The following DCDC1 variants were observed in gnomAD, a reference collection of about 807,000 sequenced individuals.
DCDC1 encodes the protein doublecortin domain-containing protein 1.
DCDC1 carries 200 observed loss-of-function variants against 178.3 expected under a neutral mutation model. The ratio of observed to expected loss-of-function variants is 1.12; its 90% confidence interval spans 1.00 to 1.26. The LOEUF is 1.26. Among genes scored for constraint, DCDC1 ranks in the 50% most tolerant of loss-of-function variants. The pLI is 0.00. For missense variants in DCDC1, 1,983 were observed against 1,749.2 expected, an observed-to-expected ratio of 1.13 and a Z score of -2.38; for synonymous variants, 690 against 604.8, an observed-to-expected ratio of 1.14 and a Z score of -2.07.
At chr11:31,215,822 C>T (rs907848764) in intron 9 of DCDC1, among the ~76,000 whole-genome samples, 18 of 151,908 alleles carry the variant, frequency 1.2e-4, no homozygotes, top group Admixed American at 3.3e-4. Flanking sequence ...CAGCAGGAAT[C>T]CTTTTAAATT....
rs1339737679 is a variant in DCDC1, at chr11:31,239,402, G to C, written c.1221+2048C>G. The stretch of plus-strand genomic sequence containing the variant: ...GGTCTGTTAAGGGTATGACTACAGG[G>C]ACTTCTCTAAACATTCAAATAATTT... On this transcript the variant is annotated intron_variant, in intron 9 of 38. Coordinates refer to ENST00000684477, the MANE Select transcript of DCDC1 (RefSeq NM_001387274.1). Among the ~76,000 whole-genome samples the C allele has an allele frequency of 2.0e-5, 3 of 151,902 alleles. No individual in the cohort carries two copies. In the East Asian group the frequency reaches 5.8e-4, roughly 29 times the overall value.
chr11:31,172,898 G>A (rs974251072), intron 9 of DCDC1, among the ~76,000 whole-genome samples: 3 of 152,042 alleles, frequency 2.0e-5, no homozygotes, highest in Non-Finnish European at 4.4e-5. Context: ...TTCAAGGATC[G>A]ACTGTAGTTA....
rs190494268 is a variant in DCDC1 at position 31,306,919 on chromosome 11, G to A, written c.435-531C>T. Reference sequence around the variant, plus strand: ...GTATTGCTCTCATTTCAAACTGTTCGGAAGTGGTAACGGTGAAGATTTCTA... The same window carrying A: ...GTATTGCTCTCATTTCAAACTGTTCAGAAGTGGTAACGGTGAAGATTTCTA... On this transcript the variant is annotated intron_variant, in intron 4 of 38. Transcript: ENST00000684477. Among the ~76,000 whole-genome samples, 333 of 152,018 alleles carry A rather than the reference G, an allele frequency of 2.2e-3. 4 individuals are homozygous for A. The highest frequency in any genetic ancestry group is 6.6e-3 in the East Asian group (34 of 5,174).
chr11:31,181,240 A>G (rs1267763584), intron 9 of DCDC1, among the ~76,000 whole-genome samples: 2 of 152,146 alleles, frequency 1.3e-5, no homozygotes, highest in African/African-American at 4.8e-5. Flanking sequence ...TAAAACTCCC[A>G]TTTCCATGGG....
At chr11:30,924,521 C>T (rs1212105087) in intron 23 of DCDC1, among the ~76,000 whole-genome samples, 1 of 152,016 alleles carries the variant, frequency 6.6e-6, no homozygotes, top group East Asian at 1.9e-4. Flanking sequence ...GAAGGCTGGG[C>T]TGCTAAAGTC....
chr11:31,194,784 A>T (rs1239249445), intron 9 of DCDC1, among the ~76,000 whole-genome samples: 3 of 152,108 alleles, frequency 2.0e-5, no homozygotes, highest in Non-Finnish European at 4.4e-5. Flanking sequence ...TTCTTAGAAC[A>T]AATCCCCAAA....
intron 27 of DCDC1, among the ~76,000 whole-genome samples, chr11:30,913,913 A>G (rs903579409): frequency 2.6e-5 from 4 of 152,208 alleles, no homozygotes; most frequent in Admixed American, 2.6e-4. Flanking sequence ...CTCAAATTGC[A>G]ATTTAGGTTT....
chr11:31,137,882 T>C lies in DCDC1; in HGVS notation c.1222-98A>G, dbSNP rs1591179478. The C allele has an allele frequency of 1.0e-5, 6 of 588,950 alleles. No homozygotes were observed. In the East Asian group the frequency reaches 1.2e-4, roughly 12 times the overall value. 36.5% of individuals were successfully genotyped at this position (588,950 alleles called of 1,614,324 possible). A position where few individuals can be genotyped will look rare whatever the true frequency, so the allele number is the denominator to read the frequency against. On this transcript the variant is annotated intron_variant, in intron 9 of 38. Transcript: ENST00000684477. ...TAGTTAAGCATAATCATGAATGTGA[T>C]TTGATATTAATTTTGATGATACGTA... is the stretch of plus-strand genomic sequence containing the variant.
chr11:31,191,401 T>C (rs1195636948), intron 9 of DCDC1, among the ~76,000 whole-genome samples: 1 of 152,106 alleles, frequency 6.6e-6, no homozygotes, highest in African/African-American at 2.4e-5. Context: ...GCATGATTTA[T>C]GATTTAGCTT....
chr11:31,337,431 G>A (rs1230807706), intron 1 of DCDC1, among the ~76,000 whole-genome samples: 4 of 152,238 alleles, frequency 2.6e-5, no homozygotes, highest in Admixed American at 6.5e-5. Context: ...CACTGTGGGA[G>A]GCTGAAGAGG....
chr11:31,023,272 T>G (rs899288851), intron 20 of DCDC1, among the ~76,000 whole-genome samples: 1 of 152,088 alleles, frequency 6.6e-6, no homozygotes, highest in South Asian at 2.1e-4. Flanking sequence ...TATCCATGTG[T>G]ATGCATATAT....
At chr11:31,180,397 T>A (rs938050393) in intron 9 of DCDC1, among the ~76,000 whole-genome samples, 1 of 152,118 alleles carries the variant, frequency 6.6e-6, no homozygotes, top group African/African-American at 2.4e-5. Flanking sequence ...AAACATTAAA[T>A]TGGGGGGCTG....
rs964396816 is a variant in DCDC1, at chr11:31,245,083, A to G, written c.1055-3467T>C. Among the ~76,000 whole-genome samples the G allele has an allele frequency of 1.5e-4, 23 of 151,506 alleles. 1 individual carries two copies. Among genetic ancestry groups the G allele is most frequent in the Admixed American group, 1.4e-3 (21 of 15,132 alleles). ...CTCCCCTCTTTCCCCACCTATTAAT[A>G]TATTCTTGTCCTTCAAGGCTCATAT... On this transcript the variant is annotated intron_variant, in intron 8 of 38. Transcript: ENST00000684477.
chr11:30,989,493 T>C (rs1051545797), intron 20 of DCDC1, among the ~76,000 whole-genome samples: 1 of 152,168 alleles, frequency 6.6e-6, no homozygotes, highest in African/African-American at 2.4e-5. Flanking sequence ...TGAGAATCTG[T>C]AGTCCTCTTT....
chr11:30,919,064 A>G (rs1319055055), intron 25 of DCDC1, among the ~76,000 whole-genome samples: 1 of 152,102 alleles, frequency 6.6e-6, no homozygotes, highest in Non-Finnish European at 1.5e-5. Context: ...TCTGGGAAAA[A>G]TCTTACAGTG....
intron 9 of DCDC1, among the ~76,000 whole-genome samples, chr11:31,213,112 T>G (rs1360131496): frequency 2.3e-5 from 1 of 44,294 alleles, no homozygotes; most frequent in Non-Finnish European, 5.5e-5. Context: ...TCTCTCTCTC[T>G]CTCTCTCTCT....
At chr11:31,076,778 T>G (rs1956890455) in intron 18 of DCDC1, among the ~76,000 whole-genome samples, 1 of 152,126 alleles carries the variant, frequency 6.6e-6, no homozygotes, top group African/African-American at 2.4e-5. Flanking sequence ...TACTTTCCAG[T>G]GTCATTCTTT....
intron 20 of DCDC1, among the ~76,000 whole-genome samples, chr11:30,970,132 C>T (rs1271467828): frequency 2.0e-5 from 3 of 152,058 alleles, no homozygotes; most frequent in Admixed American, 6.5e-5. Context: ...TAAGATATCC[C>T]TAGCAATCTA....
intron 17 of DCDC1, among the ~76,000 whole-genome samples, chr11:31,087,450 T>C (rs1397894342): frequency 6.6e-6 from 1 of 152,112 alleles, no homozygotes; most frequent in African/African-American, 2.4e-5. Context: ...ATTGATTTAA[T>C]ATCTTTCTTC....
Sources: allele counts gnomAD v4.1 joint callset (sites outside exome capture counted in the v4.1 genomes callset), GRCh38; gene constraint gnomAD v4.1.1; transcripts MANE v1.5; gene names NCBI Gene and HGNC (gene_info 2026-07-23, HGNC 2026-07-21).